Variants in MTRF1 observed in about 807,000 individuals in gnomAD.
MTRF1 encodes peptide chain release factor 1, mitochondrial.
A neutral mutation model predicts 62.9 loss-of-function variants in MTRF1; 51 were observed. That is an observed-to-expected ratio of 0.81 (90% confidence interval 0.65 to 1.02). The LOEUF (loss-of-function observed/expected upper bound fraction) is 1.02. Among genes scored for constraint, MTRF1 ranks in the 50% least tolerant of loss-of-function variants. The pLI is 0.00. For synonymous variants in MTRF1, 158 were observed against 181.9 expected, an observed-to-expected ratio of 0.87 and a Z score of 1.06; for missense variants, 446 against 530.0, an observed-to-expected ratio of 0.84 and a Z score of 1.56.
chr13:41,226,333 TA>T, intron 8 of MTRF1, 98 bp downstream of exon 8: 4 of 1,260,994 alleles, frequency 3.2e-6, no homozygotes, highest in Non-Finnish European at 4.4e-6. Flanking sequence ...CTCTATGCTC[TA>T]AAACATTCCC....
At chr13:41,237,488 GC>G (rs2036841338) in intron 6 of MTRF1, among the ~76,000 whole-genome samples, 1 of 151,894 alleles carries the variant, frequency 6.6e-6, no homozygotes, top group Non-Finnish European at 1.5e-5. Context: ...TGAGCATAGT[GC>G]TCACACTATG....
intron 5 of MTRF1, among the ~76,000 whole-genome samples, chr13:41,246,923 A>G (rs1269523129): frequency 6.6e-6 from 1 of 152,244 alleles, no homozygotes; most frequent in Non-Finnish European, 1.5e-5. Context: ...GTCTGTCCAC[A>G]GGCAAGTTAG....
chr13:41,289,572 G>C, the MTRF1 span, among the ~76,000 whole-genome samples: 1 of 152,170 alleles, frequency 6.6e-6, no homozygotes, highest in Non-Finnish European at 1.5e-5. Context: ...GTGACAGTCA[G>C]CTCAGTGGTT....
chr13:41,278,417 A>AC, the MTRF1 span, among the ~76,000 whole-genome samples: 8,018 of 152,114 alleles, frequency 0.053, 284 homozygotes, highest in Non-Finnish European at 0.074. Context: ...GAGTTTAAAT[A>AC]CCCCCTAGGA....
intron 7 of MTRF1, chr13:41,229,497 T>C (rs547529268): frequency 6.6e-6 from 1 of 152,298 alleles, no homozygotes; most frequent in African/African-American, 2.4e-5. Context: ...CTCTCCCCCT[T>C]ACCCTTCCTA....
At chr13:41,219,668 C>T (rs1311065560) in intron 9 of MTRF1, among the ~76,000 whole-genome samples, 1 of 152,118 alleles carries the variant, frequency 6.6e-6, no homozygotes, top group Non-Finnish European at 1.5e-5. Context: ...ATAGTATTTT[C>T]CCGAATAGAA....
At position 41,234,011 on chromosome 13, in the gene MTRF1, G is replaced by C. The variant is rs778690248; in HGVS notation, c.871-4C>G. The C allele has an allele frequency of 1.0e-5, 16 of 1,595,074 alleles. No homozygotes were observed. Among genetic ancestry groups the C allele is most frequent in the Non-Finnish European group, 1.3e-5 (15 of 1,162,898 alleles). On this transcript the variant is annotated splice_region_variant and splice_polypyrimidine_tract_variant and intron_variant, in intron 6 of 9. Transcript: ENST00000379480. ...TGGGGTCCAATTTCACATCCACCTA[G>C]AACAGAAGGCATGGCATAATTCTAC...
At chr13:41,273,248 C>A in the MTRF1 span, among the ~76,000 whole-genome samples, 2 of 151,866 alleles carry the variant, frequency 1.3e-5, no homozygotes, top group Non-Finnish European at 2.9e-5. Flanking sequence ...ATGGCATGAA[C>A]CCGGGTGGCG....
At chr13:41,242,567 A>T (rs2037657721) in intron 5 of MTRF1, among the ~76,000 whole-genome samples, 1 of 152,186 alleles carries the variant, frequency 6.6e-6, no homozygotes, top group Non-Finnish European at 1.5e-5. Flanking sequence ...ATGAGTTCAT[A>T]TGATGTTGAG....
chr13:41,240,205 C>G lies in MTRF1; in HGVS notation c.870+56G>C, dbSNP rs2037292163. On this transcript the variant is annotated intron_variant, in intron 6 of 9. Transcript: ENST00000379480. Reference sequence around the variant, plus strand: ...CAGATTTTCCTAGAAGCTAAGGCTTCCAGCACAATACCCGTTGACATGGAG... The same window carrying G: ...CAGATTTTCCTAGAAGCTAAGGCTTGCAGCACAATACCCGTTGACATGGAG... The G allele has an allele frequency of 2.7e-6, 4 of 1,485,020 alleles. No homozygotes were observed. The Admixed American group carries it at 8.8e-5, about 33-fold the overall frequency. The allele number at this position is 1,485,020 out of a possible 1,614,324, so 92.0% of individuals were successfully genotyped here.
the MTRF1 span, among the ~76,000 whole-genome samples, chr13:41,310,125 A>G: frequency 6.6e-6 from 1 of 152,242 alleles, no homozygotes; most frequent in African/African-American, 2.4e-5. Flanking sequence ...AAATAAACTT[A>G]TGTACCTAAT....
chr13:41,274,857 C>T, the MTRF1 span, among the ~76,000 whole-genome samples: 1 of 151,860 alleles, frequency 6.6e-6, no homozygotes. Context: ...AAGTGATTCA[C>T]CCCCCTTGGC....
At chr13:41,276,553 A>G in the MTRF1 span, among the ~76,000 whole-genome samples, 4 of 152,038 alleles carry the variant, frequency 2.6e-5, no homozygotes, top group Admixed American at 1.3e-4. Flanking sequence ...TTTTTTTTAT[A>G]CTTACTGAAA....
chr13:41,311,206 A>C, the MTRF1 span: 1 of 476,242 alleles, frequency 2.1e-6, no homozygotes. Context: ...CCCCTCGCCA[A>C]AGGGCGCTCC....
intron 8 of MTRF1, among the ~76,000 whole-genome samples, chr13:41,224,666 C>T (rs2034027212): frequency 6.6e-6 from 1 of 152,204 alleles, no homozygotes; most frequent in African/African-American, 2.4e-5. Flanking sequence ...GCCTGGGCAT[C>T]TACGAAAGCT....
At position 41,216,987 on chromosome 13, in the gene MTRF1, T is replaced by C. The variant is rs559063750; in HGVS notation, c.*128A>G. The C allele has an allele frequency of 9.3e-4, 466 of 502,084 alleles. 1 individual carries two copies. Among genetic ancestry groups the C allele is most frequent in the Non-Finnish European group, 1.5e-3 (417 of 286,952 alleles). 31.1% of individuals were successfully genotyped at this position (502,084 alleles called of 1,614,324 possible). On this transcript the variant is annotated 3_prime_UTR_variant, in exon 10 of 10. Transcript: ENST00000379480. Reference sequence around the variant, plus strand: ...TGTGACTTCGATTAATTACAAAACATATATTTATGTGTAATGTGTTCTTAA... The same window carrying C: ...TGTGACTTCGATTAATTACAAAACACATATTTATGTGTAATGTGTTCTTAA...
At chr13:41,302,121 G>A in the MTRF1 span, among the ~76,000 whole-genome samples, 6 of 152,112 alleles carry the variant, frequency 3.9e-5, no homozygotes, top group East Asian at 1.2e-3. Context: ...CCCTCTCCTG[G>A]GTTCAAGCGA....
At chr13:41,252,624 C>T in intron 5 of MTRF1, 21 bp downstream of exon 5, 1 of 1,571,104 alleles carries the variant, frequency 6.4e-7, no homozygotes, top group East Asian at 2.2e-5. Context: ...CTCCTACAGG[C>T]AAATTCCTCA....
intron 2 of MTRF1, among the ~76,000 whole-genome samples, chr13:41,257,122 C>T (rs1309822014): frequency 3.3e-5 from 5 of 152,104 alleles, no homozygotes; most frequent in Admixed American, 6.6e-5. Context: ...TGGGACAGCA[C>T]GAATATATCC....
Sources: gnomAD v4.1 joint callset for allele counts (sites outside exome capture counted in the v4.1 genomes callset) on GRCh38, gnomAD v4.1.1 for gene constraint, MANE v1.5 for transcripts, NCBI Gene and HGNC (gene_info 2026-07-23, HGNC 2026-07-21) for gene names.